Variants in LRRC8B observed in about 807,000 individuals in gnomAD.
LRRC8B encodes the protein volume-regulated anion channel subunit LRRC8B.
Under a neutral mutation model 58.8 loss-of-function variants are expected in LRRC8B, and 23 were observed. That is an observed-to-expected ratio of 0.39 (90% CI 0.28 to 0.55). The LOEUF (loss-of-function observed/expected upper bound fraction) is 0.55. Ranked by LOEUF, LRRC8B falls within the 20% of genes least tolerant of loss-of-function variation. LRRC8B has a pLI of 0.62. For synonymous variants in LRRC8B, 359 were observed against 374.1 expected (o/e 0.96, Z 0.47); for missense variants, 694 against 936.0 (o/e 0.74, Z 3.37).
At chr1:89,578,230 A>G (rs1006742350) in intron 3 of LRRC8B, among the ~76,000 whole-genome samples, 2 of 152,222 alleles carry the variant, frequency 1.3e-5, no homozygotes, top group African/African-American at 4.8e-5. Context: ...TTTAAGGAGA[A>G]CTGTATAAGA....
At chr1:89,541,485 G>A (rs1275023427) in intron 1 of LRRC8B, among the ~76,000 whole-genome samples, 1 of 151,716 alleles carries the variant, frequency 6.6e-6, no homozygotes, top group African/African-American at 2.4e-5. Context: ...GCCGAGGCGG[G>A]CGGATCACGA....
intron 3 of LRRC8B, among the ~76,000 whole-genome samples, chr1:89,574,009 C>T (rs1557614355): frequency 6.6e-6 from 1 of 152,220 alleles, no homozygotes; most frequent in Non-Finnish European, 1.5e-5. Context: ...AGACTTGTAG[C>T]ATCTGCTTTT....
intron 1 of LRRC8B, among the ~76,000 whole-genome samples, chr1:89,544,269 A>G (rs1212363279): frequency 6.6e-6 from 1 of 152,188 alleles, no homozygotes; most frequent in Non-Finnish European, 1.5e-5. Context: ...CATCCCAGAG[A>G]TGTTACACAT....
chr1:89,546,970 A>C (rs1651450947), intron 1 of LRRC8B, among the ~76,000 whole-genome samples: 1 of 152,256 alleles, frequency 6.6e-6, no homozygotes, highest in Non-Finnish European at 1.5e-5. Flanking sequence ...CTAGTTAAAC[A>C]TAGTCATTAA....
chr1:89,555,000 TC>T lies in LRRC8B; in HGVS notation c.-240-13245del, dbSNP rs34254524. On this transcript the variant is annotated intron_variant, in intron 1 of 5. Transcript: ENST00000330947. The stretch of plus-strand genomic sequence containing the variant: ...TGATTTAGAAGTCATGTGTCAAACT[TC>T]CAGATGGGGAGTATATCTTTTGTCT... Among the ~76,000 whole-genome samples, 1,020 of 152,200 alleles carry T rather than the reference TC, an allele frequency of 6.7e-3. 8 individuals are homozygous for T. Among genetic ancestry groups the T allele is most frequent in the African/African-American group, 0.023 (971 of 41,524 alleles).
At chr1:89,578,390 T>C (rs940755461) in intron 3 of LRRC8B, among the ~76,000 whole-genome samples, 3 of 152,082 alleles carry the variant, frequency 2.0e-5, no homozygotes, top group African/African-American at 7.2e-5. Flanking sequence ...TCATGTGATA[T>C]ATGTTGTAAG....
rs771215710 is a variant in LRRC8B at position 89,593,059 on chromosome 1, C to T, written c.*16C>T. Reference sequence around the variant, plus strand: ...CAAATGTTGACTTAAAGAAAAGAGACCCGTGTTTCAAAATCATTTTTAAAA... The same window carrying T: ...CAAATGTTGACTTAAAGAAAAGAGATCCGTGTTTCAAAATCATTTTTAAAA... On this transcript the variant is annotated 3_prime_UTR_variant, in exon 6 of 6. Transcript: ENST00000330947. 6.2e-7 allele frequency: 1 copy of T among 1,603,578 alleles called. No individual in the cohort carries two copies. The highest frequency in any genetic ancestry group is 8.5e-7 in the Non-Finnish European group (1 of 1,172,860).
chr1:89,525,230 G>C (rs74098293), intron 1 of LRRC8B, among the ~76,000 whole-genome samples: 155 of 152,356 alleles, frequency 1.0e-3, no homozygotes, highest in African/African-American at 3.6e-3. Flanking sequence ...CCTGCCTTCG[G>C]GAGAGACGGA....
chr1:89,527,281 C>T (rs997705436), intron 1 of LRRC8B, among the ~76,000 whole-genome samples: 7 of 152,146 alleles, frequency 4.6e-5, no homozygotes, highest in Non-Finnish European at 7.3e-5. Flanking sequence ...AACCCAATCC[C>T]GGATTTTCAT....
chr1:89,550,663 A>C (rs1651730310), intron 1 of LRRC8B, among the ~76,000 whole-genome samples: 1 of 152,228 alleles, frequency 6.6e-6, no homozygotes, highest in Admixed American at 6.5e-5. Flanking sequence ...TGGAATATTA[A>C]CTAGCACTTT....
At chr1:89,532,453 C>A (rs1400415827) in intron 1 of LRRC8B, among the ~76,000 whole-genome samples, 1 of 152,308 alleles carries the variant, frequency 6.6e-6, no homozygotes, top group South Asian at 2.1e-4. Context: ...ATAGTCCCCA[C>A]GTGTCGTGGG....
chr1:89,559,555 A>G (rs1652453955), intron 1 of LRRC8B, among the ~76,000 whole-genome samples: 2 of 151,338 alleles, frequency 1.3e-5, no homozygotes, highest in African/African-American at 4.8e-5. Flanking sequence ...GCATTGAGCC[A>G]TGACCGCAAC....
intron 1 of LRRC8B, among the ~76,000 whole-genome samples, chr1:89,546,354 A>G (rs1443314006): frequency 1.3e-5 from 2 of 152,226 alleles, no homozygotes; most frequent in Admixed American, 6.5e-5. Flanking sequence ...ACTCCACTTT[A>G]CCATCTGCTT....
At chr1:89,539,480 G>C (rs1205671118) in intron 1 of LRRC8B, among the ~76,000 whole-genome samples, 1 of 152,186 alleles carries the variant, frequency 6.6e-6, no homozygotes, top group Non-Finnish European at 1.5e-5. Flanking sequence ...AGGGACTGGG[G>C]TTATGGGCTG....
At position 89,592,993 on chromosome 1, in the gene LRRC8B, C is replaced by A. The variant is rs756821184; in HGVS notation, c.2362C>A (p.Leu788Ile). 6.2e-7 allele frequency: 1 copy of A among 1,614,050 alleles called. No individual in the cohort carries two copies. The highest frequency in any genetic ancestry group is 8.5e-7 in the Non-Finnish European group (1 of 1,179,908). Residue 788 changes from leucine (L) to isoleucine (I), a missense_variant, in exon 6 of 6, where the codon CTT becomes ATT. Coordinates refer to ENST00000330947, the MANE Select transcript of LRRC8B (RefSeq NM_001369817.2). ...TGTTGAGGAGAACTTGCTCAATACTCTTCCTCTCCCTGTAACAGAACGTTT... is the reference window on the plus strand; with the variant it reads ...TGTTGAGGAGAACTTGCTCAATACTATTCCTCTCCCTGTAACAGAACGTTT... ...LIVEENLLNT[L>I]PLPVTERLQT...
At chr1:89,534,551 T>A (rs1650386074) in intron 1 of LRRC8B, among the ~76,000 whole-genome samples, 1 of 151,588 alleles carries the variant, frequency 6.6e-6, no homozygotes, top group African/African-American at 2.4e-5. Context: ...TCAGTATACT[T>A]GTTTTTTAAA....
chr1:89,583,502 T>C lies in LRRC8B; in HGVS notation c.852T>C (p.Thr284=), dbSNP rs201337006. ...TTCCATATTTTTTAACCCACATCAC[T>C]CTTGAAATCGACTGTTCAGTTGATG... is the stretch of plus-strand genomic sequence containing the variant. ...TYVPYFLTHI[T]LEIDCSVDVQ... is the part of the protein sequence containing the mutation. Residue 284 remains threonine, a synonymous_variant, in exon 5 of 6, where the codon ACT becomes ACC. Coordinates refer to ENST00000330947, the MANE Select transcript of LRRC8B (RefSeq NM_001369817.2). The surrounding 1 kb of genome is among the most constrained non-coding windows in gnomAD (Gnocchi z 5.2). The C allele has an allele frequency of 9.3e-6, 15 of 1,613,718 alleles. No homozygotes were observed. The East Asian group carries it at 3.1e-4, about 34-fold the overall frequency.
At chr1:89,545,892 AT>A (rs2100866884) in intron 1 of LRRC8B, among the ~76,000 whole-genome samples, 1 of 152,354 alleles carries the variant, frequency 6.6e-6, no homozygotes, top group Admixed American at 6.5e-5. Context: ...ATAGGAAAGA[AT>A]GTATGCAGTA....
Position 89,584,572 on chromosome 1 carries a change from G to T in LRRC8B, c.1922G>T (p.Trp641Leu). Residue 641 changes from tryptophan (W) to leucine (L), a missense_variant, in exon 5 of 6, where the codon TGG becomes TTG. Physicochemically the swap from Trp to Leu is moderately conservative, Grantham distance 61 (BLOSUM62 -2). Around this residue, in one of 5 missense-constraint regions of LRRC8B, gnomAD observed 53 missense variants for 112.3 expected, o/e 0.47. Coordinates refer to ENST00000330947, the MANE Select transcript of LRRC8B (RefSeq NM_001369817.2). ...CAGAATCTTTCCTGCTTAAAGTTGT[G>T]GCACAATAACATTGCTTATATTCCT... Reference protein sequence around the residue: ...HLQNLSCLKLWHNNIAYIPAQ... With the variant: ...HLQNLSCLKLLHNNIAYIPAQ... 6.2e-7 allele frequency: 1 copy of T among 1,614,086 alleles called. No homozygotes were observed. Among genetic ancestry groups the T allele is most frequent in the Middle Eastern group, 1.7e-4 (1 of 6,058 alleles).
Sources: gnomAD v4.1 joint callset for allele counts (sites outside exome capture counted in the v4.1 genomes callset) on GRCh38, gnomAD v4.1.1 for gene constraint, gnomAD v4.1.1 regional missense constraint, Gnocchi (gnomAD v3.1) non-coding constraint, MANE v1.5 for transcripts, NCBI Gene and HGNC (gene_info 2026-07-23, HGNC 2026-07-21) for gene names.